The following TPP2 variants were observed in gnomAD, a reference collection of about 807,000 sequenced individuals.
The protein encoded by TPP2 is tripeptidyl peptidase 2, also known as tripeptidyl-peptidase 2.
A neutral mutation model predicts 155.9 loss-of-function variants in TPP2; 34 were observed. That is an observed-to-expected ratio of 0.22 (90% CI 0.17 to 0.29). The LOEUF (loss-of-function observed/expected upper bound fraction) is 0.29, where lower values mean the gene tolerates loss of function less well. TPP2 is among the 10% of genes least tolerant of loss of function. The pLI, the probability that TPP2 is intolerant of heterozygous loss-of-function variation, is 1.00. For synonymous variants in TPP2, 510 were observed against 529.4 expected (o/e 0.96, Z 0.50); for missense variants, 1,028 against 1,522.3 (o/e 0.68, Z 5.40).
intron 1 of TPP2, among the ~76,000 whole-genome samples, chr13:102,601,673 G>A (rs1297802617): frequency 6.6e-6 from 1 of 152,144 alleles, no homozygotes; most frequent in African/African-American, 2.4e-5. Context: ...TCTCAGAGAT[G>A]AGTGATATAG....
At chr13:102,623,681 A>T (rs573111968) in intron 6 of TPP2, among the ~76,000 whole-genome samples, 1 of 152,330 alleles carries the variant, frequency 6.6e-6, no homozygotes, top group East Asian at 1.9e-4. Flanking sequence ...TCACTACGGC[A>T]CTCTGTGTGA....
intron 27 of TPP2, among the ~76,000 whole-genome samples, chr13:102,671,782 C>G (rs748317259): frequency 6.6e-6 from 1 of 152,046 alleles, no homozygotes; most frequent in Non-Finnish European, 1.5e-5. Flanking sequence ...TATCTTTGCC[C>G]GGTAACAGCG....
At chr13:102,649,864 G>T (rs1263329654) in intron 23 of TPP2, among the ~76,000 whole-genome samples, 1 of 152,068 alleles carries the variant, frequency 6.6e-6, no homozygotes, top group Non-Finnish European at 1.5e-5. Flanking sequence ...AAGATTGGTT[G>T]TCCATATAAG....
chr13:102,644,938 T>C lies in TPP2; in HGVS notation c.2322T>C (p.Asp774=). 1.2e-6 allele frequency: 2 copies of C among 1,614,092 alleles called. No homozygotes were observed. The highest frequency in any genetic ancestry group is 1.7e-6 in the Non-Finnish European group (2 of 1,179,956). Residue 774 remains aspartate (D), a synonymous_variant, in exon 19 of 30, where the codon GAT becomes GAC. Coordinates refer to ENST00000376052, the MANE Select transcript of TPP2 (RefSeq NM_001330588.2). ...CATCGGAAGGAATCAACCGCTTTGA[T>C]GTTCAGTCCTCCTTGAAATACGAAG... ...IHASEGINRF[D]VQSSLKYEDL... is the part of the protein sequence containing the mutation.
chr13:102,624,898 G>A (rs377458713), intron 6 of TPP2, among the ~76,000 whole-genome samples: 2 of 124,452 alleles, frequency 1.6e-5, no homozygotes, highest in South Asian at 2.7e-4. Context: ...TCGCTCTGTC[G>A]CCCAGGCTGG....
intron 29 of TPP2, among the ~76,000 whole-genome samples, chr13:102,676,643 C>T (rs1170232823): frequency 2.6e-5 from 4 of 152,134 alleles, no homozygotes; most frequent in African/African-American, 9.7e-5. Flanking sequence ...TGATACTAGC[C>T]TCAAATGTTT....
Position 102,643,249 on chromosome 13 carries a change from A to T in TPP2, c.2048A>T (p.Glu683Val). 1.2e-6 allele frequency: 2 copies of T among 1,608,240 alleles called. No homozygotes were observed. ...GTGACAGTGTGTTCGTGTTCTTCTG[A>T]GGTGTCAGCAAAGTTTGTTCTACAT... Reference protein sequence around the residue: ...AEVTVCSCSSEVSAKFVLHAV... With the variant: ...AEVTVCSCSSVVSAKFVLHAV... Residue 683 changes from glutamate to valine, a missense_variant, in exon 17 of 30, where the codon GAG becomes GTG. Coordinates refer to ENST00000376052, the MANE Select transcript of TPP2 (RefSeq NM_001330588.2).
rs1388380888 is a variant in TPP2, at chr13:102,653,485, T to G, written c.2991+2088T>G. The stretch of plus-strand genomic sequence containing the variant: ...GTAGCTCACTGTTGCCTCCAGCTCC[T>G]GGGCTCAAGTGATCCTCCCACCTCA... On this transcript the variant is annotated intron_variant, in intron 24 of 29. Transcript: ENST00000376052. Among the ~76,000 whole-genome samples, 71 of 152,300 alleles carry G rather than the reference T, an allele frequency of 4.7e-4. 1 individual carries two copies. The highest frequency in any genetic ancestry group is 8.8e-5 in the Non-Finnish European group (6 of 68,012).
At chr13:102,619,162 C>G (rs1880965286) in intron 5 of TPP2, among the ~76,000 whole-genome samples, 1 of 152,100 alleles carries the variant, frequency 6.6e-6, no homozygotes, top group Non-Finnish European at 1.5e-5. Context: ...GCTTACAGGG[C>G]TTTGTGAAAA....
chr13:102,627,896 G>A lies in TPP2; in HGVS notation c.988G>A (p.Gly330Arg). The A allele has an allele frequency of 6.2e-7, 1 of 1,613,386 alleles. No homozygotes were observed. Among genetic ancestry groups the A allele is most frequent in the East Asian group, 2.2e-5 (1 of 44,828 alleles). ...GTGTGATCTTGTCAACTACAGTTACGGAGAAGCAACTCACTGGCCAAATTC... is the reference window on the plus strand; with the variant it reads ...GTGTGATCTTGTCAACTACAGTTACAGAGAAGCAACTCACTGGCCAAATTC... ...HKCDLVNYSY[G>R]EATHWPNSGR... is the part of the protein sequence containing the mutation. The change falls in exon 8 of 30, where the codon GGA (glycine) becomes AGA (arginine). Residue 330 changes from glycine (G) to arginine (R), a missense_variant. Gly to Arg is a moderately radical substitution (Grantham distance 125). Coordinates refer to ENST00000376052, the MANE Select transcript of TPP2 (RefSeq NM_001330588.2).
rs1028926522 is a variant in TPP2, at chr13:102,640,963, A to G, written c.2020+587A>G. 1.6e-4 allele frequency among the ~76,000 whole-genome samples: 25 copies of G among 152,296 alleles called. No homozygotes were observed. In the South Asian group the frequency reaches 1.7e-3, roughly 10 times the overall value. The stretch of plus-strand genomic sequence containing the variant: ...CTGTGCCCGGCCTAATTTTTAAAAT[A>G]CTACAAATCAGTTTAAACAATGCAG... On this transcript the variant is annotated intron_variant, in intron 16 of 29. Transcript: ENST00000376052.
chr13:102,671,568 T>C (rs1437570495), intron 27 of TPP2, among the ~76,000 whole-genome samples: 2 of 152,216 alleles, frequency 1.3e-5, no homozygotes, highest in Non-Finnish European at 2.9e-5. Flanking sequence ...TCTTTAATGC[T>C]TTTCCTTATC....
rs775325997 is a variant in TPP2, at chr13:102,664,964, C to T, written c.3371+39C>T. ...AAATAATCTTTCTTGCATCTCATTT[C>T]CTAGTTAACTTGTTTAAAAAGTAGG... On this transcript the variant is annotated intron_variant, in intron 27 of 29. Coordinates refer to ENST00000376052, the MANE Select transcript of TPP2 (RefSeq NM_001330588.2). 10 of 1,603,762 alleles carry T rather than the reference C, an allele frequency of 6.2e-6. No homozygotes were observed. In the Admixed American group the frequency reaches 1.2e-4, roughly 19 times the overall value.
chr13:102,633,146 G>A (rs1176598852), intron 10 of TPP2, among the ~76,000 whole-genome samples: 1 of 152,190 alleles, frequency 6.6e-6, no homozygotes, highest in Non-Finnish European at 1.5e-5. Context: ...GTGCTATTCT[G>A]TGCCATTCCT....
chr13:102,646,367 G>A lies in TPP2; in HGVS notation c.2467G>A (p.Val823Ile), dbSNP rs768773847. 1 of 1,612,786 alleles carries A rather than the reference G, an allele frequency of 6.2e-7. No homozygotes were observed. Among genetic ancestry groups the A allele is most frequent in the East Asian group, 2.2e-5 (1 of 44,720 alleles). The change falls in exon 20 of 30, where the codon GTC becomes ATC. Residue 823 changes from valine (V) to isoleucine (I), a missense_variant. Val to Ile is a conservative substitution (Grantham distance 29). Coordinates refer to ENST00000376052, the MANE Select transcript of TPP2 (RefSeq NM_001330588.2). The stretch of plus-strand genomic sequence containing the variant: ...AAATAACCGTCAACTTTATGAGATG[G>A]TCCTGACATATAACTTTCATCAAGT... ...LPNNRQLYEM[V>I]LTYNFHQPKS...
chr13:102,634,655 C>T (rs1436252738), intron 11 of TPP2, among the ~76,000 whole-genome samples: 1 of 152,212 alleles, frequency 6.6e-6, no homozygotes, highest in African/African-American at 2.4e-5. Context: ...CTCACCCACA[C>T]CACAGTTTCT....
chr13:102,641,930 A>G (rs1882792663), intron 16 of TPP2, among the ~76,000 whole-genome samples: 1 of 152,172 alleles, frequency 6.6e-6, no homozygotes, highest in Admixed American at 6.5e-5. Context: ...CCCTGCTTCC[A>G]GAGGCCTTGA....
At chr13:102,612,912 A>G (rs531427156) in intron 2 of TPP2, among the ~76,000 whole-genome samples, 1 of 152,342 alleles carries the variant, frequency 6.6e-6, no homozygotes, top group African/African-American at 2.4e-5. Context: ...TAATGTCTGT[A>G]CAAAGAAGTT....
At chr13:102,611,126 C>T (rs948240719) in intron 2 of TPP2, among the ~76,000 whole-genome samples, 6 of 152,184 alleles carry the variant, frequency 3.9e-5, no homozygotes, top group Admixed American at 2.0e-4. Flanking sequence ...CATGTTGTCA[C>T]GGGCAGCAAT....
Sources: allele counts gnomAD v4.1 joint callset (sites outside exome capture counted in the v4.1 genomes callset), GRCh38; gene constraint gnomAD v4.1.1; transcripts MANE v1.5; gene names NCBI Gene and HGNC (gene_info 2026-07-23, HGNC 2026-07-21).